Variants in NUMB observed in about 807,000 individuals in gnomAD.
NUMB encodes NUMB endocytic adaptor protein.
In NUMB, 29 loss-of-function variants were observed where a neutral mutation model predicts 59.7. The observed-to-expected ratio is 0.49, with a 90% CI of 0.36 to 0.66. NUMB has a LOEUF of 0.66. Ranked by LOEUF, NUMB falls within the 30% of genes least tolerant of loss-of-function variation. The pLI, the probability that NUMB is intolerant of heterozygous loss-of-function variation, is 0.00. For synonymous variants in NUMB, 288 were observed against 288.2 expected (o/e 1.00, Z 0.01); for missense variants, 723 against 822.0 (o/e 0.88, Z 1.47).
intron 8 of NUMB, among the ~76,000 whole-genome samples, chr14:73,291,406 A>AG (rs1428873947): frequency 1.4e-5 from 2 of 143,100 alleles, no homozygotes; most frequent in Admixed American, 1.4e-4. Flanking sequence ...TTTGAGACGG[A>AG]GTCTTACTGT....
intron 6 of NUMB, among the ~76,000 whole-genome samples, chr14:73,302,781 T>TA (rs1357356015): frequency 2.0e-5 from 3 of 152,082 alleles, no homozygotes. Context: ...TCTGAGCACT[T>TA]TTAAGAAAAG....
chr14:73,331,961 C>T (rs1892004363), intron 4 of NUMB, among the ~76,000 whole-genome samples: 1 of 152,196 alleles, frequency 6.6e-6, no homozygotes, highest in African/African-American at 2.4e-5. Flanking sequence ...GTATTACTAT[C>T]CTAAGACCTA....
chr14:73,330,091 T>G (rs548003983), intron 4 of NUMB, among the ~76,000 whole-genome samples: 1 of 152,268 alleles, frequency 6.6e-6, no homozygotes, highest in South Asian at 2.1e-4. Context: ...CAGGCTGGAG[T>G]GCAGTGGTCC....
intron 1 of NUMB, among the ~76,000 whole-genome samples, chr14:73,413,146 G>A (rs1276686855): frequency 2.6e-5 from 4 of 151,402 alleles, no homozygotes; most frequent in African/African-American, 4.8e-5. Flanking sequence ...GTGCAGTGGC[G>A]TGATCTCGGC....
intron 2 of NUMB, among the ~76,000 whole-genome samples, chr14:73,375,993 T>A (rs1894927852): frequency 6.6e-6 from 1 of 152,126 alleles, no homozygotes; most frequent in Admixed American, 6.5e-5. Context: ...CCCATTAAGA[T>A]CAAGAACAAG....
intron 8 of NUMB, among the ~76,000 whole-genome samples, chr14:73,288,344 A>C (rs1285320926): frequency 6.6e-6 from 1 of 151,926 alleles, no homozygotes. Context: ...TGAGGTCAGG[A>C]GCTCGAGACC....
chr14:73,424,605 G>A (rs778240716), intron 1 of NUMB, among the ~76,000 whole-genome samples: 1 of 152,062 alleles, frequency 6.6e-6, no homozygotes, highest in Non-Finnish European at 1.5e-5. Context: ...TGATGTAAGA[G>A]GAAAAAAGGA....
intron 3 of NUMB, among the ~76,000 whole-genome samples, chr14:73,360,724 T>C (rs1427274341): frequency 6.6e-6 from 1 of 152,152 alleles, no homozygotes; most frequent in East Asian, 1.9e-4. Flanking sequence ...CCTTCAACAG[T>C]ACATTGGTCT....
rs767525578 is a variant in NUMB at position 73,292,717 on chromosome 14, A to C, written c.450+17T>G. On this transcript the variant is annotated intron_variant, in intron 8 of 12. Transcript: ENST00000555238. ...ACTGAGAATACTCATCATGAAATAC[A>C]TATTTGCTGGACTCACTGTGTCCTT... 1 of 1,613,302 alleles carries C rather than the reference A, an allele frequency of 6.2e-7. No homozygotes were observed. The highest frequency in any genetic ancestry group is 1.1e-5 in the South Asian group (1 of 91,018).
chr14:73,394,917 T>C (rs756284897), intron 2 of NUMB, among the ~76,000 whole-genome samples: 6 of 152,208 alleles, frequency 3.9e-5, no homozygotes, highest in Non-Finnish European at 7.3e-5. Context: ...CTTTGTTTTT[T>C]AATAAAGCCA....
At chr14:73,396,321 G>GGGGTGTGTGTGT (rs1369077920) in intron 2 of NUMB, among the ~76,000 whole-genome samples, 2 of 144,220 alleles carry the variant, frequency 1.4e-5, no homozygotes, top group African/African-American at 5.1e-5. Flanking sequence ...AATTATTAGG[G>GGGGTGTGTGTGT]GTGTGTGTGT....
chr14:73,316,763 G>A (rs919655178), intron 5 of NUMB, among the ~76,000 whole-genome samples: 2 of 152,160 alleles, frequency 1.3e-5, no homozygotes, highest in Admixed American at 6.5e-5. Flanking sequence ...AGGGCATACT[G>A]GTTTGGTGAG....
chr14:73,398,392 C>CACAG (rs1491161864), intron 2 of NUMB, among the ~76,000 whole-genome samples: 112 of 133,808 alleles, frequency 8.4e-4, no homozygotes, highest in African/African-American at 3.0e-3. Flanking sequence ...GAGACACACA[C>CACAG]AGAGAGAGAG....
At chr14:73,416,550 T>A (rs1368701390) in intron 1 of NUMB, among the ~76,000 whole-genome samples, 4 of 151,988 alleles carry the variant, frequency 2.6e-5, no homozygotes, top group Admixed American at 2.6e-4. Context: ...TGTGCAAATA[T>A]GTATGTATAG....
chr14:73,407,518 T>C (rs1452910806), intron 2 of NUMB, among the ~76,000 whole-genome samples: 1 of 152,210 alleles, frequency 6.6e-6, no homozygotes, highest in Non-Finnish European at 1.5e-5. Context: ...CAAAAATCAG[T>C]CAATTCTGAT....
At chr14:73,280,351 A>G (rs1888533859) in intron 11 of NUMB, among the ~76,000 whole-genome samples, 1 of 152,098 alleles carries the variant, frequency 6.6e-6, no homozygotes. Flanking sequence ...TTTGCTTGAT[A>G]GATTTCTAAT....
At chr14:73,338,862 T>A (rs1336862813) in intron 4 of NUMB, among the ~76,000 whole-genome samples, 2 of 152,238 alleles carry the variant, frequency 1.3e-5, no homozygotes, top group Non-Finnish European at 2.9e-5. Context: ...TTAGATTAGA[T>A]GTAACTCCAC....
chr14:73,330,824 G>GA (rs1891935503), intron 4 of NUMB, among the ~76,000 whole-genome samples: 1 of 152,188 alleles, frequency 6.6e-6, no homozygotes, highest in South Asian at 2.1e-4. Flanking sequence ...TTTACTACAG[G>GA]AATTGGCCAT....
chr14:73,406,265 C>A (rs1324687087), intron 2 of NUMB, among the ~76,000 whole-genome samples: 1 of 119,314 alleles, frequency 8.4e-6, no homozygotes, highest in African/African-American at 3.2e-5. Flanking sequence ...CCATGACAGG[C>A]CCCGGTGTGT....
Sources: gnomAD v4.1 joint callset for allele counts (sites outside exome capture counted in the v4.1 genomes callset) on GRCh38, gnomAD v4.1.1 for gene constraint, MANE v1.5 for transcripts, NCBI Gene and HGNC (gene_info 2026-07-23, HGNC 2026-07-21) for gene names.